The following CHD5 variants were observed in gnomAD, a reference collection of about 807,000 sequenced individuals.
The protein encoded by CHD5 is chromodomain helicase DNA binding protein 5, also known as ATP-dependent chromatin remodeler CHD5.
CHD5 carries 69 observed loss-of-function variants against 230.3 expected under a neutral mutation model. The observed-to-expected ratio is 0.30, with a 90% CI of 0.25 to 0.37. CHD5 has a LOEUF of 0.37. Ranked by LOEUF, CHD5 falls within the 10% of genes least tolerant of loss-of-function variation. The pLI is 1.00. For synonymous variants in CHD5, 1,064 were observed against 1,065.9 expected (o/e 1.00, Z 0.03); for missense variants, 1,827 against 2,622.8 (o/e 0.70, Z 6.63).
chr1:6,107,469 G>T (rs1163265461), intron 38 of CHD5, among the ~76,000 whole-genome samples: 6 of 145,582 alleles, frequency 4.1e-5, no homozygotes, highest in African/African-American at 7.7e-5. Flanking sequence ...TGGAGGGATG[G>T]AGGGATGATG....
rs371276504 is a variant in CHD5, at chr1:6,167,788, C to T, written c.207+362G>A. Among the ~76,000 whole-genome samples the T allele has an allele frequency of 5.9e-5, 9 of 152,098 alleles. No homozygotes were observed. The highest frequency in any genetic ancestry group is 2.0e-4 in the Admixed American group (3 of 15,272). On this transcript the variant is annotated intron_variant, in intron 2 of 41. Transcript: ENST00000262450. The surrounding 1 kb of genome is among the most constrained non-coding windows in gnomAD (Gnocchi z 4.5). ...CTTGCTTCTCTTCTCCAACTCACTT[C>T]ATCAGGTTTCAGTTTAGAGGGACGG...
chr1:6,105,176 C>G lies in CHD5; in HGVS notation c.*298G>C, dbSNP rs1223564342. 1.1e-5 allele frequency: 4 copies of G among 348,844 alleles called. No individual in the cohort carries two copies. Among genetic ancestry groups the G allele is most frequent in the Admixed American group, 4.1e-5 (1 of 24,546 alleles). 21.6% of individuals were successfully genotyped at this position (348,844 alleles called of 1,614,324 possible). A position where few individuals can be genotyped will look rare whatever the true frequency, so the allele number is the denominator to read the frequency against. ...AAAGATGTACAAATAAATGAAATCT[C>G]TTCTAAGAAGTCGTCTGGAAAAGGT... On this transcript the variant is annotated 3_prime_UTR_variant, in exon 42 of 42. Coordinates refer to ENST00000262450, the MANE Select transcript of CHD5 (RefSeq NM_015557.3). The surrounding 1 kb of genome is among the most constrained non-coding windows in gnomAD (Gnocchi z 4.8).
At chr1:6,179,228 C>A (rs1557568630) in intron 1 of CHD5, among the ~76,000 whole-genome samples, 1 of 152,218 alleles carries the variant, frequency 6.6e-6, no homozygotes, top group Non-Finnish European at 1.5e-5. Flanking sequence ...GGGCTGGGAA[C>A]GGCCACCACC....
chr1:6,175,058 GTGGATGAA>G (rs1165984621), intron 1 of CHD5, among the ~76,000 whole-genome samples: 1 of 151,064 alleles, frequency 6.6e-6, no homozygotes, highest in Non-Finnish European at 1.5e-5. Context: ...TGGATGAATG[GTGGATGAA>G]TGGATGAGTG....
At position 6,121,459 on chromosome 1, in the gene CHD5, C is replaced by T. The variant is rs374419307; in HGVS notation, c.4779+35G>A. 3 of 1,585,734 alleles carry T rather than the reference C, an allele frequency of 1.9e-6. No individual in the cohort carries two copies. Among genetic ancestry groups the T allele is most frequent in the Non-Finnish European group, 2.6e-6 (3 of 1,161,478 alleles). ...CCCCAGACCCAACCTCCACCCCACA[C>T]ACACCACAGGCCCAGACGCCAGCAA... On this transcript the variant is annotated intron_variant, in intron 32 of 41. Coordinates refer to ENST00000262450, the MANE Select transcript of CHD5 (RefSeq NM_015557.3). The surrounding 1 kb of genome is among the most constrained non-coding windows in gnomAD (Gnocchi z 4.5).
chr1:6,164,358 A>C (rs1324314384), intron 2 of CHD5, among the ~76,000 whole-genome samples: 1 of 152,204 alleles, frequency 6.6e-6, no homozygotes, highest in Non-Finnish European at 1.5e-5. Flanking sequence ...ATAATTTAGC[A>C]CTGAATAATT....
At chr1:6,108,018 G>A (rs1666222677) in intron 38 of CHD5, among the ~76,000 whole-genome samples, 1 of 133,968 alleles carries the variant, frequency 7.5e-6, no homozygotes, top group Non-Finnish European at 1.6e-5. Context: ...AAGGGACGGT[G>A]GAGGGATGGG....
At position 6,131,027 on chromosome 1, in the gene CHD5, C is replaced by A. The variant is rs993826487; in HGVS notation, c.3262+604G>T. ...GGCGTTTGGAGAGCGTGGCCCCAGC[C>A]CCTAAGGGCTGACGCCCCAGGGAAA... On this transcript the variant is annotated intron_variant, in intron 21 of 41. Transcript: ENST00000262450. This position sits in a 1 kb window ranked among gnomAD's most constrained non-coding sequence, Gnocchi z 5.0. Among the ~76,000 whole-genome samples, 3 of 152,186 alleles carry A rather than the reference C, an allele frequency of 2.0e-5. No homozygotes were observed. The highest frequency in any genetic ancestry group is 7.2e-5 in the African/African-American group (3 of 41,442).
Position 6,151,113 on chromosome 1 carries a change from T to C in CHD5, c.913A>G (p.Ser305Gly). 1 of 1,610,166 alleles carries C rather than the reference T, an allele frequency of 6.2e-7. No individual in the cohort carries two copies. The highest frequency in any genetic ancestry group is 1.1e-5 in the South Asian group (1 of 89,884). The change falls in exon 7 of 42, where the codon AGC (serine) becomes GGC (glycine). Residue 305 changes from serine to glycine, a missense_variant. Transcript: ENST00000262450. ...EREESDFDSA[S>G]IHSASVRSEC... ...GAGCGCACGGAGGCACTGTGGATGCTGGCGCTGTCGAAGTCCGACTCCTCC... is the reference window on the plus strand; with the variant it reads ...GAGCGCACGGAGGCACTGTGGATGCCGGCGCTGTCGAAGTCCGACTCCTCC...
Position 6,155,685 on chromosome 1 carries a change from C to T in CHD5, c.420G>A (p.Glu140=). The T allele has an allele frequency of 1.2e-6, 2 of 1,614,088 alleles. No individual in the cohort carries two copies. The highest frequency in any genetic ancestry group is 1.7e-6 in the Non-Finnish European group (2 of 1,180,006). Reference sequence around the variant, plus strand: ...GGTAGTCCACGTCGTCCAGGCCCCACTCGGCCATGAGCTGCCCCGAGGACT... The same window carrying T: ...GGTAGTCCACGTCGTCCAGGCCCCATTCGGCCATGAGCTGCCCCGAGGACT... ...EPKSSGQLMA[E]WGLDDVDYLF... The change falls in exon 4 of 42, where the codon GAG becomes GAA. Residue 140 remains glutamate, a synonymous_variant. Coordinates refer to ENST00000262450, the MANE Select transcript of CHD5 (RefSeq NM_015557.3). The surrounding 1 kb of genome is among the most constrained non-coding windows in gnomAD (Gnocchi z 4.0).
rs1251834094 is a variant in CHD5, at chr1:6,131,871, A to AC, written c.3145-124dup. 4 of 659,200 alleles carry AC rather than the reference A, an allele frequency of 6.1e-6. No homozygotes were observed. Among genetic ancestry groups the AC allele is most frequent in the Non-Finnish European group, 1.1e-5 (4 of 362,348 alleles). The allele number at this position is 659,200 out of a possible 1,614,324, so 40.8% of individuals were successfully genotyped here. A position where few individuals can be genotyped will look rare whatever the true frequency, so the allele number is the denominator to read the frequency against. On this transcript the variant is annotated intron_variant, in intron 20 of 41. Transcript: ENST00000262450. The surrounding 1 kb of genome is among the most constrained non-coding windows in gnomAD (Gnocchi z 5.0). ...CCTGCTAGGTGGGGAGACAGCTGGGACCCAGGCAGGCCCAATGCAGGACTC... is the reference window on the plus strand; with the variant it reads ...CCTGCTAGGTGGGGAGACAGCTGGGACCCCAGGCAGGCCCAATGCAGGACTC...
intron 15 of CHD5, among the ~76,000 whole-genome samples, 162 bp downstream of exon 15, chr1:6,141,966 C>T (rs932848536): frequency 6.6e-6 from 1 of 152,196 alleles, no homozygotes; most frequent in Non-Finnish European, 1.5e-5. Flanking sequence ...CCCCAGAAAA[C>T]TGACATGGCT....
intron 5 of CHD5, among the ~76,000 whole-genome samples, chr1:6,153,325 G>A (rs1667034273): frequency 6.6e-6 from 1 of 152,254 alleles, no homozygotes; most frequent in Non-Finnish European, 1.5e-5. Context: ...GGCAGGCTGG[G>A]CAGACAGGGG....
At chr1:6,116,662 G>C (rs988179562) in intron 33 of CHD5, among the ~76,000 whole-genome samples, 3 of 152,208 alleles carry the variant, frequency 2.0e-5, no homozygotes, top group Non-Finnish European at 2.9e-5. Context: ...ATAAAAAAAG[G>C]AAGAATATCT....
At chr1:6,115,025 AG>A (rs1553137784) in intron 33 of CHD5, among the ~76,000 whole-genome samples, 10 of 142,644 alleles carry the variant, frequency 7.0e-5, no homozygotes, top group Non-Finnish European at 1.2e-4. Context: ...AAAAAAAAAA[AG>A]GGGGGGGCAG....
chr1:6,108,273 G>C (rs1666228520), intron 38 of CHD5, among the ~76,000 whole-genome samples: 1 of 147,830 alleles, frequency 6.8e-6, no homozygotes, highest in Non-Finnish European at 1.5e-5. Flanking sequence ...ATGATAGAGG[G>C]ATGGAGTGAT....
In CHD5 at chr1:6,128,205, G is replaced by A. The variant is rs377262947; in HGVS notation, c.3744C>T (p.Asp1248=). Residue 1248 remains aspartate, a synonymous_variant, in exon 25 of 42, where the codon GAC becomes GAT. Transcript: ENST00000262450. The surrounding 1 kb of genome is among the most constrained non-coding windows in gnomAD (Gnocchi z 7.8). ...HGSTPPGDNK[D]VEDSSVIHYD... ...AGTGGATCACACTGCTGTCCTCCACGTCCTTGTTGTCACCTGGGGAGCAGG... is the reference window on the plus strand; with the variant it reads ...AGTGGATCACACTGCTGTCCTCCACATCCTTGTTGTCACCTGGGGAGCAGG... The A allele has an allele frequency of 4.9e-5, 79 of 1,614,018 alleles. No homozygotes were observed. Among genetic ancestry groups the A allele is most frequent in the Non-Finnish European group, 6.3e-5 (74 of 1,179,982 alleles).
In CHD5 at chr1:6,130,110, G is replaced by A. The variant is rs1469551915; in HGVS notation, c.3387+94C>T. The A allele has an allele frequency of 1.4e-6, 2 of 1,431,798 alleles. No individual in the cohort carries two copies. The highest frequency in any genetic ancestry group is 1.9e-6 in the Non-Finnish European group (2 of 1,031,364). The allele number at this position is 1,431,798 out of a possible 1,614,324, so 88.7% of individuals were successfully genotyped here. On this transcript the variant is annotated intron_variant, in intron 22 of 41. Transcript: ENST00000262450. The surrounding 1 kb of genome is among the most constrained non-coding windows in gnomAD (Gnocchi z 4.9). Reference sequence around the variant, plus strand: ...GGCCCACAGCACCAGGATAGGTGAGGGGGTGATGGCAAGAAGGGCATGAAG... The same window carrying A: ...GGCCCACAGCACCAGGATAGGTGAGAGGGTGATGGCAAGAAGGGCATGAAG...
At chr1:6,139,816 C>T (rs1205925997) in intron 15 of CHD5, among the ~76,000 whole-genome samples, 2 of 152,198 alleles carry the variant, frequency 1.3e-5, no homozygotes, top group African/African-American at 4.8e-5. Flanking sequence ...CAGCAAAGTG[C>T]TTGGCACACG....
Sources: allele counts gnomAD v4.1 joint callset (sites outside exome capture counted in the v4.1 genomes callset), GRCh38; gene constraint gnomAD v4.1.1; non-coding constraint Gnocchi (gnomAD v3.1); transcripts MANE v1.5; gene names NCBI Gene and HGNC (gene_info 2026-07-23, HGNC 2026-07-21).